Variants in SH2D4A observed in about 807,000 individuals in gnomAD.
SH2D4A encodes the protein SH2 domain containing 4A.
SH2D4A carries 70 observed loss-of-function variants against 64.7 expected under a neutral mutation model. The observed-to-expected ratio is 1.08, with a 90% CI of 0.89 to 1.32. The LOEUF (loss-of-function observed/expected upper bound fraction) is 1.32, where lower values mean the gene tolerates loss of function less well. Ranked by LOEUF, SH2D4A falls within the 40% of genes most tolerant of loss-of-function variation. The pLI is 0.00. For missense variants in SH2D4A, 706 were observed against 540.1 expected (o/e 1.31, Z -3.04); for synonymous variants, 268 against 200.7 (o/e 1.34, Z -2.83).
chr8:19,341,844 C>CAAAAA (rs35856719), intron 4 of SH2D4A, among the ~76,000 whole-genome samples: 10 of 83,324 alleles, frequency 1.2e-4, no homozygotes, highest in South Asian at 8.6e-4. Context: ...CTTGTCTTAA[C>CAAAAA]AAAAAAAAAA....
chr8:19,358,706 C>T (rs2052832176), intron 5 of SH2D4A, among the ~76,000 whole-genome samples: 1 of 152,166 alleles, frequency 6.6e-6, no homozygotes, highest in South Asian at 2.1e-4. Flanking sequence ...CAGAGGCATC[C>T]TCCTTTGGGG....
intron 5 of SH2D4A, among the ~76,000 whole-genome samples, chr8:19,359,112 A>G (rs1398547384): frequency 6.6e-6 from 1 of 152,188 alleles, no homozygotes; most frequent in East Asian, 1.9e-4. Flanking sequence ...AAATTCTCTC[A>G]GAGACGCAGG....
At chr8:19,359,714 G>C (rs1011530688) in intron 5 of SH2D4A, among the ~76,000 whole-genome samples, 3 of 145,056 alleles carry the variant, frequency 2.1e-5, no homozygotes, top group African/African-American at 5.8e-5. Context: ...AATGAAAACA[G>C]TAAATGCACA....
intron 2 of SH2D4A, among the ~76,000 whole-genome samples, chr8:19,321,339 A>T (rs930916894): frequency 6.6e-6 from 1 of 152,062 alleles, no homozygotes; most frequent in Admixed American, 6.5e-5. Flanking sequence ...TCAGCCTCCC[A>T]AGTAGCTGGG....
chr8:19,348,721 T>C (rs1454216191), intron 4 of SH2D4A, among the ~76,000 whole-genome samples: 1 of 152,190 alleles, frequency 6.6e-6, no homozygotes, highest in Non-Finnish European at 1.5e-5. Flanking sequence ...ACAAAAGTTT[T>C]TGGTTTTCTG....
Position 19,319,417 on chromosome 8 carries a change from A to C in SH2D4A, c.-131A>C. On this transcript the variant is annotated 5_prime_UTR_variant, in exon 2 of 10. Transcript: ENST00000265807. ...AGCCAGTTTGCTGAATTATTGTCCC[A>C]GTCAGCCAGGATTGTGAGCTGTTTG... is the stretch of plus-strand genomic sequence containing the variant. The C allele has an allele frequency of 3.8e-6, 5 of 1,313,456 alleles. No individual in the cohort carries two copies. Among genetic ancestry groups the C allele is most frequent in the Non-Finnish European group, 3.9e-6 (4 of 1,028,304 alleles). The allele number at this position is 1,313,456 out of a possible 1,614,324, so 81.4% of individuals were successfully genotyped here. A position where few individuals can be genotyped will look rare whatever the true frequency, so the allele number is the denominator to read the frequency against.
chr8:19,378,798 C>A (rs1263186780), intron 8 of SH2D4A, among the ~76,000 whole-genome samples: 1 of 151,090 alleles, frequency 6.6e-6, no homozygotes, highest in Non-Finnish European at 1.5e-5. Flanking sequence ...ATAATCCCAG[C>A]ACTTTGGGAG....
chr8:19,363,595 C>T (rs560837387), intron 6 of SH2D4A, among the ~76,000 whole-genome samples: 1 of 152,238 alleles, frequency 6.6e-6, no homozygotes, highest in African/African-American at 2.4e-5. Flanking sequence ...CTGTCCTGCT[C>T]TCTGCTCCTT....
Position 19,334,873 on chromosome 8 carries a change from C to T in SH2D4A, c.513+16C>T, listed in dbSNP as rs758327156. On this transcript the variant is annotated intron_variant, in intron 4 of 9. Transcript: ENST00000265807. ...GAAAATCCGAGTGAGTCCTTACTGT[C>T]TGTAGACGTGCGGAATTTCATCATG... 4.3e-5 allele frequency: 68 copies of T among 1,583,262 alleles called. No homozygotes were observed. The highest frequency in any genetic ancestry group is 5.7e-5 in the Non-Finnish European group (67 of 1,168,720).
At position 19,337,644 on chromosome 8, in the gene SH2D4A, T is replaced by C. The variant is rs147344801; in HGVS notation, c.513+2787T>C. ...GAGGTTTAATGGACTTACAGTTCCATGTAGCTGGGGAGGCCTCACAATCAC... is the reference window on the plus strand; with the variant it reads ...GAGGTTTAATGGACTTACAGTTCCACGTAGCTGGGGAGGCCTCACAATCAC... On this transcript the variant is annotated intron_variant, in intron 4 of 9. Transcript: ENST00000265807. Among the ~76,000 whole-genome samples, 1,051 of 152,276 alleles carry C rather than the reference T, an allele frequency of 6.9e-3. 14 individuals carry two copies. Among genetic ancestry groups the C allele is most frequent in the African/African-American group, 0.024 (1,005 of 41,546 alleles).
chr8:19,318,564 G>C (rs938157480), intron 1 of SH2D4A, among the ~76,000 whole-genome samples: 2 of 152,114 alleles, frequency 1.3e-5, no homozygotes, highest in South Asian at 2.1e-4. Context: ...ATAAATGAAG[G>C]ATCCTTTGTT....
intron 8 of SH2D4A, among the ~76,000 whole-genome samples, chr8:19,375,829 A>G (rs566597386): frequency 2.4e-4 from 37 of 152,284 alleles, no homozygotes; most frequent in African/African-American, 8.9e-4. Flanking sequence ...GGGTTCATAT[A>G]TCATAACATC....
chr8:19,393,650 GA>G lies in SH2D4A; in HGVS notation c.1272+110del, dbSNP rs2053536986. On this transcript the variant is annotated intron_variant, in intron 9 of 9. Coordinates refer to ENST00000265807, the MANE Select transcript of SH2D4A (RefSeq NM_022071.4). ...GGACTGAGACAAGTACTGGGGAGGGGACAGGGGTGGGGGCTTGTCTTTGATA... is the reference window on the plus strand; with the variant it reads ...GGACTGAGACAAGTACTGGGGAGGGGCAGGGGTGGGGGCTTGTCTTTGATA... The G allele has an allele frequency of 5.8e-6, 6 of 1,028,328 alleles. No homozygotes were observed. The Admixed American group carries it at 1.1e-4, about 19-fold the overall frequency. 63.7% of individuals were successfully genotyped at this position (1,028,328 alleles called of 1,614,324 possible).
At chr8:19,321,927 G>A (rs192300498) in intron 2 of SH2D4A, among the ~76,000 whole-genome samples, 5 of 152,216 alleles carry the variant, frequency 3.3e-5, no homozygotes, top group East Asian at 3.9e-4. Context: ...TACATTTCTC[G>A]CTTGTAGGGT....
At chr8:19,325,129 G>A (rs2052257018) in intron 2 of SH2D4A, among the ~76,000 whole-genome samples, 1 of 152,036 alleles carries the variant, frequency 6.6e-6, no homozygotes, top group Non-Finnish European at 1.5e-5. Flanking sequence ...ATGATGGGTG[G>A]TATTGCTCTG....
intron 8 of SH2D4A, among the ~76,000 whole-genome samples, chr8:19,373,932 A>G (rs1326471083): frequency 2.0e-5 from 3 of 152,216 alleles, no homozygotes; most frequent in Non-Finnish European, 4.4e-5. Context: ...GCAAAGAGGC[A>G]TTCCTGGTGA....
chr8:19,366,080 G>A (rs533292273), intron 7 of SH2D4A, among the ~76,000 whole-genome samples: 7 of 152,192 alleles, frequency 4.6e-5, no homozygotes, highest in South Asian at 4.2e-4. Context: ...TATAAAAAGC[G>A]TAAAGAACCA....
intron 7 of SH2D4A, among the ~76,000 whole-genome samples, chr8:19,367,492 T>C (rs2053017005): frequency 6.6e-6 from 1 of 152,162 alleles, no homozygotes; most frequent in South Asian, 2.1e-4. Context: ...CCCTGATTAG[T>C]GGTATTGGGC....
chr8:19,336,361 G>C (rs1278537136), intron 4 of SH2D4A, among the ~76,000 whole-genome samples: 1 of 152,190 alleles, frequency 6.6e-6, no homozygotes. Flanking sequence ...TATTTAGGAA[G>C]AGAAAATTCT....
Sources: allele counts gnomAD v4.1 joint callset (sites outside exome capture counted in the v4.1 genomes callset), GRCh38; gene constraint gnomAD v4.1.1; transcripts MANE v1.5; gene names NCBI Gene and HGNC (gene_info 2026-07-23, HGNC 2026-07-21).